The following CLSTN2 variants were observed in gnomAD, a reference collection of about 807,000 sequenced individuals.
CLSTN2 encodes the protein calsyntenin-2.
CLSTN2 carries 48 observed loss-of-function variants against 101.2 expected under a neutral mutation model. That is an observed-to-expected ratio of 0.47 (90% confidence interval 0.38 to 0.60). The LOEUF (loss-of-function observed/expected upper bound fraction) is 0.60. Ranked by LOEUF, CLSTN2 falls within the 20% of genes least tolerant of loss-of-function variation. The pLI, the probability that CLSTN2 is intolerant of heterozygous loss-of-function variation, is 0.00. For synonymous variants in CLSTN2, 481 were observed against 463.6 expected, an observed-to-expected ratio of 1.04 and a Z score of -0.48; for missense variants, 1,160 against 1,238.2, an observed-to-expected ratio of 0.94 and a Z score of 0.95.
intron 5 of CLSTN2, among the ~76,000 whole-genome samples, chr3:140,429,921 C>A (rs767263911): frequency 6.6e-6 from 1 of 152,040 alleles, no homozygotes; most frequent in Non-Finnish European, 1.5e-5. Context: ...AAGTGTATGT[C>A]CCAGTTCCCT....
In CLSTN2 at chr3:140,394,874, A is replaced by G. The variant is rs956934252; in HGVS notation, c.233-8755A>G. On this transcript the variant is annotated intron_variant, in intron 2 of 16. Transcript: ENST00000458420. ...ATTTATGTCCAGGGATGGTTTGCTG[A>G]GTGAATGAGTACAGTAGGTTTTTGT... Among the ~76,000 whole-genome samples, 2 of 152,164 alleles carry G rather than the reference A, an allele frequency of 1.3e-5. 1 individual carries two copies. The highest frequency in any genetic ancestry group is 4.2e-4 in the South Asian group (2 of 4,818).
chr3:140,091,225 A>G (rs974059435), intron 1 of CLSTN2, among the ~76,000 whole-genome samples: 1 of 152,222 alleles, frequency 6.6e-6, no homozygotes, highest in African/African-American at 2.4e-5. Context: ...GCCCAACAGC[A>G]TGAGGCAGAC....
At position 140,230,388 on chromosome 3, in the gene CLSTN2, C is replaced by A. The variant is rs74871855; in HGVS notation, c.232+54315C>A. On this transcript the variant is annotated intron_variant, in intron 2 of 16. Coordinates refer to ENST00000458420, the MANE Select transcript of CLSTN2 (RefSeq NM_022131.3). Reference sequence around the variant, plus strand: ...ACTAAAGCTAGTCTAGTGCTTGAAGCAAGCTTCAAATAGTAAATATGGCCT... The same window carrying A: ...ACTAAAGCTAGTCTAGTGCTTGAAGAAAGCTTCAAATAGTAAATATGGCCT... Among the ~76,000 whole-genome samples the A allele has an allele frequency of 2.7e-3, 409 of 152,334 alleles. 3 individuals carry two copies. The highest frequency in any genetic ancestry group is 9.5e-3 in the African/African-American group (397 of 41,572).
chr3:139,997,686 TG>T (rs1170346935), intron 1 of CLSTN2, among the ~76,000 whole-genome samples: 1 of 152,218 alleles, frequency 6.6e-6, no homozygotes, highest in African/African-American at 2.4e-5. Context: ...AGAAGTGATG[TG>T]GTCTATTTTC....
chr3:140,525,823 C>A (rs1398752041), intron 8 of CLSTN2, among the ~76,000 whole-genome samples: 1 of 152,034 alleles, frequency 6.6e-6, no homozygotes, highest in African/African-American at 2.4e-5. Flanking sequence ...TCAAAAACCA[C>A]ACAATTATCT....
intron 6 of CLSTN2, among the ~76,000 whole-genome samples, chr3:140,457,111 A>C (rs1933421212): frequency 6.6e-6 from 1 of 152,224 alleles, no homozygotes; most frequent in African/African-American, 2.4e-5. Flanking sequence ...AAGCCCTGCT[A>C]GACCCCACCC....
rs77770569 is a variant in CLSTN2 at position 140,509,574 on chromosome 3, C to G, written c.1345-22750C>G. 7.4e-3 allele frequency among the ~76,000 whole-genome samples: 1,124 copies of G among 152,250 alleles called. 9 individuals carry two copies. The highest frequency in any genetic ancestry group is 0.025 in the African/African-American group (1,035 of 41,534). On this transcript the variant is annotated intron_variant, in intron 8 of 16. Coordinates refer to ENST00000458420, the MANE Select transcript of CLSTN2 (RefSeq NM_022131.3). ...GCCCCTTTGTTCATGGTATATCTGGCAAGACAATCAGCACCTCAGTGGGGA... is the reference window on the plus strand; with the variant it reads ...GCCCCTTTGTTCATGGTATATCTGGGAAGACAATCAGCACCTCAGTGGGGA...
chr3:140,406,758 C>A (rs928194292), intron 4 of CLSTN2, among the ~76,000 whole-genome samples: 4 of 152,168 alleles, frequency 2.6e-5, no homozygotes, highest in Admixed American at 2.6e-4. Flanking sequence ...AGTGACAAGT[C>A]CATGGTGAAT....
At chr3:140,553,943 G>A (rs1306477522) in intron 10 of CLSTN2, among the ~76,000 whole-genome samples, 1 of 152,180 alleles carries the variant, frequency 6.6e-6, no homozygotes. Flanking sequence ...TTTGGGGAGT[G>A]ACAGGAGATG....
At chr3:140,013,929 C>T (rs536747718) in intron 1 of CLSTN2, among the ~76,000 whole-genome samples, 2 of 152,348 alleles carry the variant, frequency 1.3e-5, no homozygotes, top group South Asian at 4.1e-4. Context: ...ATTTCTGCAA[C>T]TCCCCAGGGA....
chr3:140,228,869 A>G (rs1289365750), intron 2 of CLSTN2, among the ~76,000 whole-genome samples: 1 of 151,990 alleles, frequency 6.6e-6, no homozygotes, highest in Non-Finnish European at 1.5e-5. Context: ...TAATTCAATC[A>G]CCTCCCACTG....
intron 2 of CLSTN2, among the ~76,000 whole-genome samples, chr3:140,348,092 A>G (rs2087567555): frequency 6.6e-6 from 1 of 152,228 alleles, no homozygotes; most frequent in Non-Finnish European, 1.5e-5. Context: ...TCCTAGACAT[A>G]CAAAGTTTAC....
chr3:140,491,600 T>C (rs1479412596), intron 8 of CLSTN2, among the ~76,000 whole-genome samples: 1 of 152,228 alleles, frequency 6.6e-6, no homozygotes, highest in Non-Finnish European at 1.5e-5. Context: ...GGCGGGCAGA[T>C]TGCTTGAGTC....
chr3:140,317,500 C>A (rs1208356858), intron 2 of CLSTN2, among the ~76,000 whole-genome samples: 1 of 152,136 alleles, frequency 6.6e-6, no homozygotes, highest in Non-Finnish European at 1.5e-5. Context: ...TTCCTACAGC[C>A]TGTTGGCCAC....
intron 2 of CLSTN2, among the ~76,000 whole-genome samples, chr3:140,348,364 A>C (rs528452685): frequency 6.6e-6 from 1 of 152,176 alleles, no homozygotes; most frequent in Admixed American, 6.5e-5. Flanking sequence ...TCTTGCTCTG[A>C]TCGCCCTTAT....
intron 1 of CLSTN2, among the ~76,000 whole-genome samples, chr3:140,144,273 T>TC (rs1008548033): frequency 7.9e-5 from 12 of 152,170 alleles, no homozygotes; most frequent in African/African-American, 2.9e-4. Context: ...TTAAAAGTAG[T>TC]CCCCCTAGAA....
chr3:140,125,735 G>T (rs529450486), intron 1 of CLSTN2, among the ~76,000 whole-genome samples: 1 of 152,140 alleles, frequency 6.6e-6, no homozygotes, highest in East Asian at 1.9e-4. Context: ...CACTGTTTAC[G>T]TGTTCTCCAG....
chr3:140,261,720 A>C (rs192093624), intron 2 of CLSTN2, among the ~76,000 whole-genome samples: 3 of 152,262 alleles, frequency 2.0e-5, no homozygotes, highest in Admixed American at 2.0e-4. Flanking sequence ...GTGTGTTACT[A>C]TCTGCGTCTA....
chr3:140,433,300 G>C (rs537564676), intron 5 of CLSTN2, among the ~76,000 whole-genome samples: 1 of 152,194 alleles, frequency 6.6e-6, no homozygotes, highest in Non-Finnish European at 1.5e-5. Flanking sequence ...CTTCATTCAG[G>C]ATAACAAGGT....
Sources: allele counts gnomAD v4.1 joint callset (sites outside exome capture counted in the v4.1 genomes callset), GRCh38; gene constraint gnomAD v4.1.1; transcripts MANE v1.5; gene names NCBI Gene and HGNC (gene_info 2026-07-23, HGNC 2026-07-21).